PCDH15: variants seen among roughly 807,000 people sequenced by gnomAD.
The protein encoded by PCDH15 is protocadherin related 15.
A neutral mutation model predicts 178.5 loss-of-function variants in PCDH15; 129 were observed. The ratio of observed to expected loss-of-function variants is 0.72; its 90% confidence interval spans 0.63 to 0.84. PCDH15 has a LOEUF of 0.84. Ranked by LOEUF, PCDH15 falls within the 40% of genes least tolerant of loss-of-function variation. PCDH15 has a pLI of 0.00. For missense variants in PCDH15, 2,230 were observed against 2,099.9 expected, an observed-to-expected ratio of 1.06 and a Z score of -1.21; for synonymous variants, 800 against 732.0, an observed-to-expected ratio of 1.09 and a Z score of -1.50.
intron 2 of PCDH15, chr10:54,568,786 C>G (rs1408944324): frequency 6.6e-6 from 1 of 151,950 alleles, no homozygotes. Context: ...GTACCTTTTT[C>G]TATTTTAAAT....
intron 9 of PCDH15, among the ~76,000 whole-genome samples, chr10:54,228,577 T>C (rs898238686): frequency 2.0e-5 from 3 of 152,206 alleles, no homozygotes; most frequent in Non-Finnish European, 2.9e-5. Flanking sequence ...GCATTTTTTA[T>C]CAGGTCCAGA....
chr10:54,939,339 C>A (rs1202554422), intron 2 of PCDH15, among the ~76,000 whole-genome samples: 2 of 149,400 alleles, frequency 1.3e-5, no homozygotes, highest in South Asian at 2.1e-4. Context: ...CTAAAAAAAA[C>A]AAAAAATTAG....
rs551116685 is a variant in PCDH15, at chr10:55,256,700, C to G, written c.-156+62899G>C. Among the ~76,000 whole-genome samples the G allele has an allele frequency of 2.8e-3, 425 of 152,272 alleles. 3 individuals are homozygous for G. The highest frequency in any genetic ancestry group is 9.8e-3 in the African/African-American group (407 of 41,570). Reference sequence around the variant, plus strand: ...GGAGGGGCGCCCGCCATTGCTCAGGCCTGAGTAGGTAAACAAAGCTGCTGG... The same window carrying G: ...GGAGGGGCGCCCGCCATTGCTCAGGGCTGAGTAGGTAAACAAAGCTGCTGG... On this transcript the variant is annotated intron_variant, in intron 1 of 5. Coordinates refer to the PCDH15 transcript ENST00000458638.
intron 2 of PCDH15, among the ~76,000 whole-genome samples, chr10:55,614,899 A>G (rs1189947589): frequency 6.6e-6 from 1 of 152,162 alleles, no homozygotes; most frequent in Non-Finnish European, 1.5e-5. Flanking sequence ...ATTAAAATAC[A>G]CAAAATGTTC....
intron 25 of PCDH15, among the ~76,000 whole-genome samples, chr10:53,928,010 C>T (rs2084717388): frequency 6.6e-6 from 1 of 151,902 alleles, no homozygotes; most frequent in Non-Finnish European, 1.5e-5. Flanking sequence ...GAGACTTGTG[C>T]AAGCAAAGAC....
intron 1 of PCDH15, among the ~76,000 whole-genome samples, chr10:54,753,346 C>A (rs776797559): frequency 6.6e-6 from 1 of 151,988 alleles, no homozygotes; most frequent in East Asian, 1.9e-4. Flanking sequence ...CCATGCCCAG[C>A]TAACTTTTTG....
At chr10:55,283,111 C>A (rs1842774072) in intron 1 of PCDH15, among the ~76,000 whole-genome samples, 1 of 152,154 alleles carries the variant, frequency 6.6e-6, no homozygotes, top group Non-Finnish European at 1.5e-5. Flanking sequence ...AGTTTCCAAA[C>A]CTCCCTAAAT....
intron 1 of PCDH15, among the ~76,000 whole-genome samples, chr10:55,170,431 G>A (rs909728059): frequency 2.6e-5 from 4 of 152,116 alleles, no homozygotes; most frequent in South Asian, 2.1e-4. Context: ...TTACAGGAAT[G>A]AGCCACCGTG....
At chr10:54,152,464 T>C (rs1448933836) in intron 14 of PCDH15, among the ~76,000 whole-genome samples, 1 of 151,904 alleles carries the variant, frequency 6.6e-6, no homozygotes, top group Non-Finnish European at 1.5e-5. Flanking sequence ...AAAAAAATAA[T>C]CTGAAGGATT....
chr10:54,712,786 T>G (rs2132381457), intron 1 of PCDH15, among the ~76,000 whole-genome samples: 1 of 152,134 alleles, frequency 6.6e-6, no homozygotes, highest in East Asian at 1.9e-4. Flanking sequence ...ACTGAAACAC[T>G]AGAAAGAATT....
chr10:55,144,038 G>A (rs574858045), intron 2 of PCDH15, among the ~76,000 whole-genome samples: 2 of 150,438 alleles, frequency 1.3e-5, no homozygotes, highest in Admixed American at 6.6e-5. Flanking sequence ...ACAACATATT[G>A]TGTTGCAGAT....
intron 2 of PCDH15, among the ~76,000 whole-genome samples, chr10:55,089,006 T>C (rs1842249749): frequency 1.3e-5 from 2 of 152,152 alleles, no homozygotes; most frequent in South Asian, 2.1e-4. Context: ...AACTGATAAT[T>C]CTTGTTTTAA....
At chr10:54,439,042 G>C (rs11599664) in intron 3 of PCDH15, among the ~76,000 whole-genome samples, 72,289 of 151,610 alleles carry the variant, frequency 0.48, 18,009 homozygotes, top group Middle Eastern at 0.52. Context: ...TAGGGATACC[G>C]GTCATTTAAT....
intron 3 of PCDH15, among the ~76,000 whole-genome samples, chr10:54,877,936 C>CTTTTTTTTTTTT (rs1954176789): frequency 3.8e-5 from 4 of 104,350 alleles, no homozygotes; most frequent in Non-Finnish European, 6.0e-5. Context: ...CTCTCTCTCT[C>CTTTTTTTTTTTT]TCTTTTTTTT....
intron 1 of PCDH15, among the ~76,000 whole-genome samples, chr10:55,313,337 A>G (rs1488657572): frequency 6.6e-6 from 1 of 152,198 alleles, no homozygotes; most frequent in Non-Finnish European, 1.5e-5. Context: ...AGGGCTTGAG[A>G]AATGGGGAAT....
chr10:54,535,771 G>C (rs774647462), intron 2 of PCDH15, among the ~76,000 whole-genome samples: 59 of 142,290 alleles, frequency 4.1e-4, no homozygotes, highest in Non-Finnish European at 6.3e-4. Flanking sequence ...GAAAAAGGCA[G>C]AATATGAAAT....
chr10:55,178,907 C>T (rs1839565691), intron 1 of PCDH15, among the ~76,000 whole-genome samples: 2 of 152,124 alleles, frequency 1.3e-5, no homozygotes, highest in Admixed American at 1.3e-4. Flanking sequence ...CTGCCCTCCC[C>T]CAAATTAGAT....
At chr10:55,129,530 T>A (rs1180742869) in intron 2 of PCDH15, among the ~76,000 whole-genome samples, 1 of 152,108 alleles carries the variant, frequency 6.6e-6, no homozygotes, top group Non-Finnish European at 1.5e-5. Context: ...ACATAGTCAA[T>A]TCTTCTCTCT....
At chr10:54,602,240 T>G (rs1407401307) in intron 2 of PCDH15, among the ~76,000 whole-genome samples, 1 of 151,962 alleles carries the variant, frequency 6.6e-6, no homozygotes, top group African/African-American at 2.4e-5. Flanking sequence ...TTAAATATAT[T>G]TCAAAGTATT....
Sources: gnomAD v4.1 joint callset for allele counts (sites outside exome capture counted in the v4.1 genomes callset) on GRCh38, gnomAD v4.1.1 for gene constraint, MANE v1.5 for transcripts, NCBI Gene and HGNC (gene_info 2026-07-23, HGNC 2026-07-21) for gene names.